Variants in NOS2 observed in about 807,000 individuals in gnomAD.
The protein encoded by NOS2 is nitric oxide synthase, inducible.
A neutral mutation model predicts 136.0 loss-of-function variants in NOS2; 96 were observed. That is an observed-to-expected ratio of 0.71 (90% CI 0.60 to 0.84). The LOEUF (loss-of-function observed/expected upper bound fraction) is 0.84. Ranked by LOEUF, NOS2 falls within the 40% of genes least tolerant of loss-of-function variation. The pLI is 0.00. For missense variants in NOS2, 1,237 were observed against 1,496.9 expected (o/e 0.83, Z 2.87); for synonymous variants, 539 against 587.5 (o/e 0.92, Z 1.20).
At chr17:27,797,971 C>G (rs1342220709) in intron 2 of NOS2, among the ~76,000 whole-genome samples, 1 of 152,056 alleles carries the variant, frequency 6.6e-6, no homozygotes, top group Admixed American at 6.6e-5. Context: ...TTCAAAGAGC[C>G]GCCACAGAGA....
chr17:27,772,754 G>T (rs934394688), intron 13 of NOS2, among the ~76,000 whole-genome samples: 3 of 152,200 alleles, frequency 2.0e-5, no homozygotes, highest in Non-Finnish European at 4.4e-5. Context: ...ACATTCCCAG[G>T]CTGGGTGCCG....
At chr17:27,770,883 C>G (rs193203390) in intron 15 of NOS2, 30 bp downstream of exon 15, 6 of 1,566,804 alleles carry the variant, frequency 3.8e-6, no homozygotes, top group Non-Finnish European at 4.4e-6. Flanking sequence ...CCTACCACCC[C>G]CTAGACCAGC....
At chr17:27,788,706 T>A in intron 4 of NOS2, 103 bp downstream of exon 4, 1 of 1,411,230 alleles carries the variant, frequency 7.1e-7, no homozygotes, top group Non-Finnish European at 9.6e-7. Context: ...CCCAAGCAGA[T>A]GATTGTTTGG....
At chr17:27,773,986 C>T (rs534760182) in intron 12 of NOS2, among the ~76,000 whole-genome samples, 3 of 152,304 alleles carry the variant, frequency 2.0e-5, no homozygotes, top group Non-Finnish European at 2.9e-5. Context: ...TGACTGTTGC[C>T]GGGCCCTCCC....
chr17:27,768,707 C>A (rs1908391198), intron 17 of NOS2, among the ~76,000 whole-genome samples: 1 of 152,214 alleles, frequency 6.6e-6, no homozygotes, highest in Admixed American at 6.5e-5. Context: ...GGAGGAAAGA[C>A]CTTAAACTAG....
rs1248516485 is a variant in NOS2, at chr17:27,767,723, G to C, written c.2149C>G (p.Pro717Ala). Residue 717 changes from proline to alanine, a missense_variant, in exon 18 of 27, where the codon CCT becomes GCT. This residue lies in a region of NOS2 where 782 missense variants were observed against 909.9 expected (regional missense o/e 0.86). Transcript: ENST00000313735. Reference sequence around the variant, plus strand: ...CAGGTACCTTTGCTGAGGTCCAAAGGCTGTGAGTCCTGCACGAGCCTGTAG... The same window carrying C: ...CAGGTACCTTTGCTGAGGTCCAAAGCCTGTGAGTCCTGCACGAGCCTGTAG... ...HHYRLVQDSQ[P>A]LDLSKALSSM... The C allele has an allele frequency of 6.2e-7, 1 of 1,613,584 alleles. No homozygotes were observed. Among genetic ancestry groups the C allele is most frequent in the African/African-American group, 1.3e-5 (1 of 74,934 alleles).
chr17:27,781,046 T>C lies in NOS2; in HGVS notation c.854A>G (p.Glu285Gly), dbSNP rs984680367. The change falls in exon 8 of 27, where the codon GAA becomes GGA. Residue 285 changes from glutamate to glycine, a missense_variant. Physicochemically the swap from Glu to Gly is moderately conservative, Grantham distance 98 (BLOSUM62 -2). This residue lies in a region of NOS2 where 440 missense variants were observed against 545.4 expected (regional missense o/e 0.81). Coordinates refer to ENST00000313735, the MANE Select transcript of NOS2 (RefSeq NM_000625.4). ...GSIRGDPANV[E>G]FTQLCIDLGW... The stretch of plus-strand genomic sequence containing the variant: ...GGCTGGGCCGGGTACCTGAGTGAAT[T>C]CCACGTTGGCAGGGTCCCCTCTGAT... 4 of 1,613,388 alleles carry C rather than the reference T, an allele frequency of 2.5e-6. No individual in the cohort carries two copies. The highest frequency in any genetic ancestry group is 1.7e-5 in the Admixed American group (1 of 59,972).
rs555540552 is a variant in NOS2 at position 27,795,423 on chromosome 17, T to C, written c.110+3277A>G. Among the ~76,000 whole-genome samples, 4 of 152,376 alleles carry C rather than the reference T, an allele frequency of 2.6e-5. No homozygotes were observed. The East Asian group carries it at 7.7e-4, about 29-fold the overall frequency. The stretch of plus-strand genomic sequence containing the variant: ...TAAGGACCTTATAAATGTTATCTAT[T>C]GTTTTTAGCAGTGGTGTATGTAAGT... On this transcript the variant is annotated intron_variant, in intron 2 of 26. Transcript: ENST00000313735.
At chr17:27,780,583 G>A (rs2151331346) in intron 9 of NOS2, among the ~76,000 whole-genome samples, 184 bp downstream of exon 9, 1 of 152,334 alleles carries the variant, frequency 6.6e-6, no homozygotes, top group South Asian at 2.1e-4. Flanking sequence ...GGCCCGAGGT[G>A]CCAGTGCAGA....
rs1262048042 is a variant in NOS2 at position 27,787,845 on chromosome 17, G to T, written c.319-19C>A. ...TTAAAATCTGGAAAGAGAGAGGCAGGTGGTGAGGGTGGGCCATTCGGCCTC... is the reference window on the plus strand; with the variant it reads ...TTAAAATCTGGAAAGAGAGAGGCAGTTGGTGAGGGTGGGCCATTCGGCCTC... On this transcript the variant is annotated intron_variant, in intron 4 of 26. Coordinates refer to ENST00000313735, the MANE Select transcript of NOS2 (RefSeq NM_000625.4). 1.9e-6 allele frequency: 3 copies of T among 1,600,002 alleles called. No individual in the cohort carries two copies. The highest frequency in any genetic ancestry group is 2.3e-5 in the East Asian group (1 of 44,168).
chr17:27,792,704 C>T (rs1426364591), intron 2 of NOS2, among the ~76,000 whole-genome samples: 1 of 148,354 alleles, frequency 6.7e-6, no homozygotes, highest in African/African-American at 2.5e-5. Context: ...GGCAGCTGGG[C>T]GCGGTGGCTG....
At chr17:27,793,199 G>A (rs1597560219) in intron 2 of NOS2, among the ~76,000 whole-genome samples, 1 of 150,108 alleles carries the variant, frequency 6.7e-6, no homozygotes, top group African/African-American at 2.5e-5. Flanking sequence ...GATGGGGAGG[G>A]TGGGGGGGAT....
At chr17:27,783,941 G>A (rs774284602) in intron 5 of NOS2, among the ~76,000 whole-genome samples, 7 of 152,204 alleles carry the variant, frequency 4.6e-5, no homozygotes, top group Non-Finnish European at 7.3e-5. Flanking sequence ...TCGGAGCTCA[G>A]TCTGCAGGGT....
chr17:27,758,358 C>T (rs1295698234), intron 26 of NOS2, among the ~76,000 whole-genome samples: 7 of 152,172 alleles, frequency 4.6e-5, no homozygotes, highest in African/African-American at 1.7e-4. Flanking sequence ...CTCGGCAGGA[C>T]TGAATGAAAT....
At position 27,760,069 on chromosome 17, in the gene NOS2, C is replaced by A; in HGVS notation, c.3120G>T (p.Ala1040=). The A allele has an allele frequency of 6.3e-7, 1 of 1,594,802 alleles. No homozygotes were observed. Among genetic ancestry groups the A allele is most frequent in the Non-Finnish European group, 8.5e-7 (1 of 1,171,660 alleles). Residue 1040 remains alanine (A), a synonymous_variant, in exon 25 of 27, where the codon GCG becomes GCT. Transcript: ENST00000313735. ...LEMAQKGVLH[A]VHTAYSRLPG... is the part of the protein sequence containing the mutation. ...GCAGGCGGGAATAGGCTGTGTGCAC[C>A]GCATGCAGCACCCCCTTCTGGGCCA...
At chr17:27,791,055 A>G (rs532250672) in intron 2 of NOS2, among the ~76,000 whole-genome samples, 2 of 152,356 alleles carry the variant, frequency 1.3e-5, no homozygotes, top group South Asian at 4.1e-4. Context: ...TATTGCTTTT[A>G]TTATAGAAAA....
chr17:27,773,462 A>AG (rs879705253), intron 12 of NOS2, among the ~76,000 whole-genome samples: 2 of 152,088 alleles, frequency 1.3e-5, no homozygotes, highest in African/African-American at 2.4e-5. Flanking sequence ...CTGCACATCG[A>AG]GGGGGGGCGG....
At chr17:27,765,785 G>A (rs1377121168) in intron 19 of NOS2, 69 bp from the exon 20 acceptor site, 26 of 1,454,422 alleles carry the variant, frequency 1.8e-5, no homozygotes, top group East Asian at 9.5e-5. Context: ...ATGGGCAGGC[G>A]AGATTCCCCA....
In NOS2 at chr17:27,757,086, C is replaced by T; in HGVS notation, c.*160G>A. On this transcript the variant is annotated 3_prime_UTR_variant, in exon 27 of 27. Transcript: ENST00000313735. ...TCCAGGGTGCTACTTGTTAGGAGGT[C>T]AAGTAAAGGGCTTGATGGGGAGCAA... 1.7e-6 allele frequency: 1 copy of T among 583,796 alleles called. No homozygotes were observed. The highest frequency in any genetic ancestry group is 3.0e-6 in the Non-Finnish European group (1 of 337,392). The allele number at this position is 583,796 out of a possible 1,614,324, so 36.2% of individuals were successfully genotyped here.
Sources: allele counts gnomAD v4.1 joint callset (sites outside exome capture counted in the v4.1 genomes callset), GRCh38; gene constraint gnomAD v4.1.1; regional missense constraint gnomAD v4.1.1; transcripts MANE v1.5; gene names NCBI Gene and HGNC (gene_info 2026-07-23, HGNC 2026-07-21).